Variants in LYPD6B observed in about 807,000 individuals in gnomAD.
LYPD6B encodes the protein ly6/PLAUR domain-containing protein 6B.
A neutral mutation model predicts 22.8 loss-of-function variants in LYPD6B; 17 were observed. The ratio of observed to expected loss-of-function variants is 0.75; its 90% CI spans 0.51 to 1.12. LYPD6B has a LOEUF of 1.12. Ranked by LOEUF, LYPD6B falls within the 50% of genes most tolerant of loss-of-function variation. The pLI, the probability that LYPD6B is intolerant of heterozygous loss-of-function variation, is 0.00. For missense variants in LYPD6B, 221 were observed against 258.3 expected (o/e 0.86, Z 0.99); for synonymous variants, 106 against 91.6 (o/e 1.16, Z -0.90).
At chr2:149,154,233 T>C (rs1226097852) in intron 2 of LYPD6B, among the ~76,000 whole-genome samples, 1 of 150,004 alleles carries the variant, frequency 6.7e-6, no homozygotes. Flanking sequence ...GTCCAATGAC[T>C]GTTATCCTTA....
At chr2:149,105,177 G>A (rs1342622932) in intron 1 of LYPD6B, among the ~76,000 whole-genome samples, 1 of 152,082 alleles carries the variant, frequency 6.6e-6, no homozygotes, top group African/African-American at 2.4e-5. Flanking sequence ...GTTAATATAT[G>A]TCTATTTCTT....
Position 149,075,354 on chromosome 2 carries a change from T to C in LYPD6B, c.-67+36553T>C, listed in dbSNP as rs145105834. 5.2e-4 allele frequency among the ~76,000 whole-genome samples: 79 copies of C among 151,790 alleles called. 1 individual carries two copies. The highest frequency in any genetic ancestry group is 1.8e-3 in the African/African-American group (73 of 41,360). On this transcript the variant is annotated intron_variant, in intron 1 of 6. Coordinates refer to ENST00000409642, the MANE Select transcript of LYPD6B (RefSeq NM_177964.5). Reference sequence around the variant, plus strand: ...ATCAAGTGTAGATTGACTGTTTCTATTTAGATGGGTCTATATGTTTATGGC... The same window carrying C: ...ATCAAGTGTAGATTGACTGTTTCTACTTAGATGGGTCTATATGTTTATGGC...
chr2:149,150,147 C>T (rs893198976), intron 2 of LYPD6B, among the ~76,000 whole-genome samples: 3 of 152,182 alleles, frequency 2.0e-5, no homozygotes, highest in Non-Finnish European at 2.9e-5. Context: ...ATTGACTGAG[C>T]ATATGTAAAC....
At chr2:149,189,934 A>G (rs1036123801) in intron 3 of LYPD6B, among the ~76,000 whole-genome samples, 1 of 152,152 alleles carries the variant, frequency 6.6e-6, no homozygotes, top group African/African-American at 2.4e-5. Context: ...AGAACTATTG[A>G]GCTTTAACCA....
intron 1 of LYPD6B, among the ~76,000 whole-genome samples, chr2:149,088,158 G>C (rs894367569): frequency 1.3e-5 from 2 of 148,184 alleles, no homozygotes. Context: ...CTCTGTGGGT[G>C]TCAAGTATGT....
At chr2:149,196,368 G>A (rs553840828) in intron 3 of LYPD6B, among the ~76,000 whole-genome samples, 6 of 152,122 alleles carry the variant, frequency 3.9e-5, no homozygotes, top group South Asian at 2.1e-4. Context: ...TTTATTGTTC[G>A]TTTTTAAATG....
intron 1 of LYPD6B, among the ~76,000 whole-genome samples, chr2:149,120,383 A>ATATTTTTTTTT (rs1327065975): frequency 1.6e-4 from 8 of 48,616 alleles, no homozygotes; most frequent in Non-Finnish European, 1.3e-4. Flanking sequence ...ATATATATAT[A>ATATTTTTTTTT]TTTTTTTTTT....
chr2:149,120,720 G>C (rs1012558614), intron 1 of LYPD6B, among the ~76,000 whole-genome samples: 1 of 146,828 alleles, frequency 6.8e-6, no homozygotes, highest in Non-Finnish European at 1.5e-5. Context: ...TCTGATGCAC[G>C]TCCAAATATG....
At chr2:149,210,978 T>C (rs1393692371) in intron 5 of LYPD6B, among the ~76,000 whole-genome samples, 1 of 152,192 alleles carries the variant, frequency 6.6e-6, no homozygotes, top group African/African-American at 2.4e-5. Flanking sequence ...CATAGGCTGT[T>C]CAGGAAGCAT....
chr2:149,150,445 C>G (rs138226589), intron 2 of LYPD6B, among the ~76,000 whole-genome samples: 3 of 152,268 alleles, frequency 2.0e-5, no homozygotes, highest in African/African-American at 7.2e-5. Flanking sequence ...AATTATCTCT[C>G]AAGTTTAAGG....
intron 3 of LYPD6B, among the ~76,000 whole-genome samples, chr2:149,183,169 A>G (rs76855286): frequency 2.9e-4 from 44 of 152,296 alleles, no homozygotes; most frequent in African/African-American, 9.1e-4. Flanking sequence ...TGATGTATCT[A>G]CTGTACCTTA....
rs570025397 is a variant in LYPD6B at position 149,161,060 on chromosome 2, C to A, written c.77+225C>A. Among the ~76,000 whole-genome samples, 4 of 152,248 alleles carry A rather than the reference C, an allele frequency of 2.6e-5. No individual in the cohort carries two copies. In the East Asian group the frequency reaches 7.7e-4, roughly 29 times the overall value. On this transcript the variant is annotated intron_variant, in intron 3 of 6. Coordinates refer to ENST00000409642, the MANE Select transcript of LYPD6B (RefSeq NM_177964.5). Reference sequence around the variant, plus strand: ...TTCTGGTGAACCAAAAAGGGGAGTCCCCATGCTCAGCGAATGGTTGGTAGA... The same window carrying A: ...TTCTGGTGAACCAAAAAGGGGAGTCACCATGCTCAGCGAATGGTTGGTAGA...
chr2:149,098,641 A>AG (rs1686027675), intron 1 of LYPD6B, among the ~76,000 whole-genome samples: 1 of 150,398 alleles, frequency 6.6e-6, no homozygotes, highest in Non-Finnish European at 1.5e-5. Context: ...AAAAAAAAAA[A>AG]AAAAAAAAGA....
intron 1 of LYPD6B, among the ~76,000 whole-genome samples, chr2:149,050,976 C>T (rs1683524544): frequency 6.6e-6 from 1 of 151,746 alleles, no homozygotes; most frequent in South Asian, 2.1e-4. Flanking sequence ...TATTTTCCTA[C>T]CACACAGAAA....
At chr2:149,090,110 T>C (rs1324996773) in intron 1 of LYPD6B, among the ~76,000 whole-genome samples, 1 of 152,224 alleles carries the variant, frequency 6.6e-6, no homozygotes, top group African/African-American at 2.4e-5. Flanking sequence ...TTTCTCTCTG[T>C]GTGTCTTTCC....
In LYPD6B at chr2:149,093,004, C is replaced by A. The variant is rs933902711; in HGVS notation, c.-66-37879C>A. 2.0e-5 allele frequency among the ~76,000 whole-genome samples: 3 copies of A among 152,126 alleles called. No individual in the cohort carries two copies. In the South Asian group the frequency reaches 6.2e-4, roughly 31 times the overall value. On this transcript the variant is annotated intron_variant, in intron 1 of 6. Coordinates refer to ENST00000409642, the MANE Select transcript of LYPD6B (RefSeq NM_177964.5). ...GCATCAGCAGGGGAATAGGCAATATCTCTAACAGGCAGTCAGATTTCAGTT... is the reference window on the plus strand; with the variant it reads ...GCATCAGCAGGGGAATAGGCAATATATCTAACAGGCAGTCAGATTTCAGTT...
At chr2:149,153,909 C>T (rs1689532728) in intron 2 of LYPD6B, 1 of 163,870 alleles carries the variant, frequency 6.1e-6, no homozygotes, top group African/African-American at 2.4e-5. Flanking sequence ...AGCTGATGCA[C>T]TTGTCCTTCA....
intron 2 of LYPD6B, among the ~76,000 whole-genome samples, chr2:149,132,735 T>TGAATTGC (rs1424790439): frequency 6.6e-6 from 1 of 152,224 alleles, no homozygotes; most frequent in Admixed American, 6.5e-5. Context: ...GCTTGTTGAA[T>TGAATTGC]GAATTGCTAG....
At chr2:149,156,993 G>C (rs1218976240) in intron 2 of LYPD6B, among the ~76,000 whole-genome samples, 1 of 152,282 alleles carries the variant, frequency 6.6e-6, no homozygotes, top group East Asian at 1.9e-4. Flanking sequence ...TTGGAGGGTA[G>C]GAATGGTATT....
Sources: gnomAD v4.1 joint callset for allele counts (sites outside exome capture counted in the v4.1 genomes callset) on GRCh38, gnomAD v4.1.1 for gene constraint, MANE v1.5 for transcripts, NCBI Gene and HGNC (gene_info 2026-07-23, HGNC 2026-07-21) for gene names.